Variants in SCAI observed in about 807,000 individuals in gnomAD.
SCAI encodes the protein protein SCAI.
SCAI carries 24 observed loss-of-function variants against 92.2 expected under a neutral mutation model. That is an observed-to-expected ratio of 0.26 (90% CI 0.19 to 0.37). The LOEUF (loss-of-function observed/expected upper bound fraction) is 0.37, where lower values mean the gene tolerates loss of function less well. Ranked by LOEUF, SCAI falls within the 10% of genes least tolerant of loss-of-function variation. The pLI is 1.00. For missense variants in SCAI, 450 were observed against 736.2 expected (o/e 0.61, Z 4.50); for synonymous variants, 261 against 258.6 (o/e 1.01, Z -0.09).
intron 2 of SCAI, among the ~76,000 whole-genome samples, chr9:125,062,668 T>G (rs1833792153): frequency 6.6e-6 from 1 of 150,964 alleles, no homozygotes; most frequent in Non-Finnish European, 1.5e-5. Flanking sequence ...GGCAGGAGAA[T>G]CGCTTGAATC....
rs372945814 is a variant in SCAI, at chr9:125,016,387, C to A, written c.861+2412G>T. 8.4e-5 allele frequency among the ~76,000 whole-genome samples: 11 copies of A among 131,654 alleles called. No individual in the cohort carries two copies. The Middle Eastern group carries it at 0.011, about 134-fold the overall frequency. 86.4% of individuals were successfully genotyped at this position (131,654 alleles called of 152,430 possible). A position where few individuals can be genotyped will look rare whatever the true frequency, so the allele number is the denominator to read the frequency against. On this transcript the variant is annotated intron_variant, in intron 9 of 17. Transcript: ENST00000336505. ...TAGGAGACAGAGCAAGACTCTGTCT[C>A]AATAAATAAATAAATAAATAAATAA... is the stretch of plus-strand genomic sequence containing the variant.
At position 124,943,421 on chromosome 9, in the gene SCAI, T is replaced by C. The variant is rs1271899698; in HGVS notation, c.*9386A>G. On this transcript the variant is annotated 3_prime_UTR_variant, in exon 18 of 18. Transcript: ENST00000336505. ...TTACAGTGATTTGTGAATAGCTAAA[T>C]AGGCAACCAAATAGCTTCATTATTT... is the stretch of plus-strand genomic sequence containing the variant. 6.6e-6 allele frequency: 1 copy of C among 152,222 alleles called. No individual in the cohort carries two copies. The highest frequency in any genetic ancestry group is 6.5e-5 in the Admixed American group (1 of 15,292). 9.4% of individuals were successfully genotyped at this position (152,222 alleles called of 1,614,324 possible). A position where few individuals can be genotyped will look rare whatever the true frequency, so the allele number is the denominator to read the frequency against.
Position 124,969,689 on chromosome 9 carries a change from T to C in SCAI, c.1674+1681A>G, listed in dbSNP as rs536045341. The stretch of plus-strand genomic sequence containing the variant: ...AATAGCAACTCTTATATCCTGCTGG[T>C]ATAAGTGTAAACTGATACAACCGCT... On this transcript the variant is annotated intron_variant, in intron 17 of 17. Transcript: ENST00000336505. 9.8e-4 allele frequency among the ~76,000 whole-genome samples: 150 copies of C among 152,350 alleles called. 1 individual carries two copies. The highest frequency in any genetic ancestry group is 3.4e-3 in the Middle Eastern group (1 of 294).
chr9:125,078,330 C>A (rs1171418485), intron 2 of SCAI, among the ~76,000 whole-genome samples: 2 of 152,100 alleles, frequency 1.3e-5, no homozygotes, highest in African/African-American at 4.8e-5. Flanking sequence ...AGTTCAAGAC[C>A]AGCCTGGCAA....
intron 2 of SCAI, among the ~76,000 whole-genome samples, chr9:125,087,341 T>C (rs189399770): frequency 2.0e-5 from 3 of 152,302 alleles, no homozygotes; most frequent in East Asian, 3.9e-4. Flanking sequence ...ATGCTAATGG[T>C]TATCAGGCAG....
intron 2 of SCAI, among the ~76,000 whole-genome samples, chr9:125,109,542 CTAACA>C (rs1834889579): frequency 6.6e-6 from 1 of 152,128 alleles, no homozygotes; most frequent in African/African-American, 2.4e-5. Context: ...AATACATACC[CTAACA>C]TATCTTTCCC....
intron 2 of SCAI, among the ~76,000 whole-genome samples, chr9:125,127,381 A>C (rs1227536588): frequency 6.7e-6 from 1 of 150,258 alleles, no homozygotes; most frequent in Non-Finnish European, 1.5e-5. Context: ...GGTAGAATTG[A>C]GGGGGAGAAG....
intron 2 of SCAI, among the ~76,000 whole-genome samples, chr9:125,135,807 T>C (rs1348346051): frequency 6.6e-6 from 1 of 151,384 alleles, no homozygotes; most frequent in African/African-American, 2.4e-5. Context: ...CCATCTCTAC[T>C]AAAAATACAA....
At chr9:125,052,052 A>C (rs577466561) in intron 3 of SCAI, among the ~76,000 whole-genome samples, 1 of 152,312 alleles carries the variant, frequency 6.6e-6, no homozygotes, top group African/African-American at 2.4e-5. Context: ...ATCTCAAAAA[A>C]ATTAATTAAA....
intron 6 of SCAI, among the ~76,000 whole-genome samples, chr9:125,022,843 T>C (rs1182061296): frequency 1.3e-5 from 2 of 152,228 alleles, no homozygotes; most frequent in Non-Finnish European, 2.9e-5. Context: ...TTCTATTTTA[T>C]TATTTTGTGC....
At chr9:125,002,781 G>A (rs1160793493) in intron 11 of SCAI, among the ~76,000 whole-genome samples, 1 of 151,730 alleles carries the variant, frequency 6.6e-6, no homozygotes, top group Non-Finnish European at 1.5e-5. Context: ...ACCACGCCTG[G>A]CCAATTCTGC....
intron 2 of SCAI, among the ~76,000 whole-genome samples, chr9:125,120,958 C>A (rs1835145810): frequency 6.6e-6 from 1 of 151,744 alleles, no homozygotes. Flanking sequence ...AATAAGGAAA[C>A]ATGAGTAATC....
chr9:125,120,337 C>G (rs1011753246), intron 2 of SCAI, among the ~76,000 whole-genome samples: 1 of 152,102 alleles, frequency 6.6e-6, no homozygotes, highest in Admixed American at 6.6e-5. Flanking sequence ...TTTCTCCTCC[C>G]CATGATGAAA....
At chr9:124,962,695 A>G (rs1364613236) in intron 17 of SCAI, among the ~76,000 whole-genome samples, 3 of 152,178 alleles carry the variant, frequency 2.0e-5, no homozygotes, top group Admixed American at 2.0e-4. Context: ...AAGCAATTCA[A>G]CTTATAGCCT....
chr9:124,966,717 A>T (rs537619472), intron 17 of SCAI, among the ~76,000 whole-genome samples: 1 of 152,170 alleles, frequency 6.6e-6, no homozygotes, highest in Admixed American at 6.5e-5. Context: ...CTCAAAAAAT[A>T]ATTTTATTTC....
intron 14 of SCAI, among the ~76,000 whole-genome samples, chr9:124,983,079 G>C (rs1010670231): frequency 6.6e-6 from 1 of 151,104 alleles, no homozygotes; most frequent in Non-Finnish European, 1.5e-5. Flanking sequence ...TTGAGCCCAG[G>C]AGTATGAGGC....
intron 3 of SCAI, among the ~76,000 whole-genome samples, chr9:125,042,658 CACACACACAT>C (rs1564390426): frequency 1.5e-4 from 22 of 143,780 alleles, no homozygotes; most frequent in African/African-American, 3.7e-4. Flanking sequence ...CACACACACA[CACACACACAT>C]ATACAAAAAG....
intron 9 of SCAI, among the ~76,000 whole-genome samples, chr9:125,011,502 A>G (rs1465421821): frequency 6.6e-6 from 1 of 152,138 alleles, no homozygotes; most frequent in African/African-American, 2.4e-5. Flanking sequence ...AAAAAGAAAC[A>G]AACAAAGCCT....
chr9:125,066,464 A>ATT lies in SCAI; in HGVS notation c.99-10459_99-10458dup, dbSNP rs754196569. On this transcript the variant is annotated intron_variant, in intron 2 of 17. Coordinates refer to ENST00000336505, the MANE Select transcript of SCAI (RefSeq NM_001144877.3). ...TTTATTTTATTTTATTTATTTATTT[A>ATT]TTTTTTTTTGAGACGGAGTCTCGCT... Among the ~76,000 whole-genome samples, 440 of 138,306 alleles carry ATT rather than the reference A, an allele frequency of 3.2e-3. 3 individuals are homozygous for ATT. The highest frequency in any genetic ancestry group is 0.02 in the South Asian group (86 of 4,376). The allele number at this position is 138,306 out of a possible 152,430, so 90.7% of individuals were successfully genotyped here.
Sources: allele counts gnomAD v4.1 joint callset (sites outside exome capture counted in the v4.1 genomes callset), GRCh38; gene constraint gnomAD v4.1.1; transcripts MANE v1.5; gene names NCBI Gene and HGNC (gene_info 2026-07-23, HGNC 2026-07-21).